NDST2: variants seen among roughly 807,000 people sequenced by gnomAD.
NDST2 encodes the protein bifunctional heparan sulfate N-deacetylase/N-sulfotransferase 2.
A neutral mutation model predicts 86.9 loss-of-function variants in NDST2; 32 were observed. That is an observed-to-expected ratio of 0.37 (90% CI 0.28 to 0.49). NDST2 has a LOEUF of 0.49. Among genes scored for constraint, NDST2 ranks in the 20% least tolerant of loss-of-function variants. The pLI is 0.97. For synonymous variants in NDST2, 409 were observed against 437.0 expected (o/e 0.94, Z 0.80); for missense variants, 950 against 1,146.9 (o/e 0.83, Z 2.48).
chr10:73,803,408 T>C (rs1474383340), intron 11 of NDST2, 49 bp from the exon 12 acceptor site: 3 of 1,607,382 alleles, frequency 1.9e-6, no homozygotes, highest in Admixed American at 3.3e-5. Context: ...TTGACAGTAT[T>C]CTGCCCTTAC....
chr10:73,804,902 A>ATTTTTTT, intron 8 of NDST2, 33 bp from the exon 9 acceptor site: 2 of 983,284 alleles, frequency 2.0e-6, no homozygotes, highest in Non-Finnish European at 1.5e-6. Context: ...GATAAGGCCT[A>ATTTTTTT]TTTTTTTTTT....
chr10:73,811,175 G>T (rs1222965995), intron 1 of NDST2, among the ~76,000 whole-genome samples: 3 of 152,084 alleles, frequency 2.0e-5, no homozygotes, highest in Non-Finnish European at 4.4e-5. Flanking sequence ...TGGATGCGAA[G>T]AGCGCACCGG....
At chr10:73,803,459 C>T in intron 11 of NDST2, 100 bp from the exon 12 acceptor site, 1 of 1,545,624 alleles carries the variant, frequency 6.5e-7, no homozygotes. Context: ...GGTACCCGTC[C>T]CCAAGGCACT....
At chr10:73,804,669 C>A in intron 9 of NDST2, 104 bp downstream of exon 9, 8 of 564,840 alleles carry the variant, frequency 1.4e-5, no homozygotes, top group South Asian at 2.9e-5. Flanking sequence ...ATTAAAAATA[C>A]TTTTTTCACT....
chr10:73,806,469 A>G lies in NDST2; in HGVS notation c.1254T>C (p.His418=). ...CATACCCCAGGTCCGTGGGAATCCC[A>G]TGCTCCTGGGAATGGCATAGACTCT... is the stretch of plus-strand genomic sequence containing the variant. The part of the protein sequence containing the change: ...MRLNKQFALE[H]GIPTDLGYAV... The change falls in exon 6 of 15, where the codon CAT becomes CAC. Residue 418 remains histidine, a synonymous_variant. Coordinates refer to ENST00000309979, the MANE Select transcript of NDST2 (RefSeq NM_003635.4). This position sits in a 1 kb window ranked among gnomAD's most constrained non-coding sequence, Gnocchi z 4.5. The G allele has an allele frequency of 6.3e-7, 1 of 1,587,254 alleles. No homozygotes were observed. Among genetic ancestry groups the G allele is most frequent in the Non-Finnish European group, 8.6e-7 (1 of 1,164,360 alleles).
chr10:73,804,650 A>T, intron 9 of NDST2, 123 bp downstream of exon 9: 1 of 499,648 alleles, frequency 2.0e-6, no homozygotes, highest in Non-Finnish European at 3.4e-6. Context: ...AAAAAAAAAA[A>T]TTATTAAAAT....
At position 73,806,770 on chromosome 10, in the gene NDST2, G is replaced by C; in HGVS notation, c.1135C>G (p.His379Asp). ...EDAGDDMLLK[H>D]RKEFWWFPHM... ...GGGAACCACCAGAACTCTTTGCGGT[G>C]CTTCAGCAGCATGTCGTCCCCTGCA... Residue 379 changes from histidine to aspartate, a missense_variant, in exon 5 of 15, where the codon CAC becomes GAC. This residue lies in a region of NDST2 where 586 missense variants were observed against 714.0 expected (regional missense o/e 0.82). Transcript: ENST00000309979. The surrounding 1 kb of genome is among the most constrained non-coding windows in gnomAD (Gnocchi z 4.5). 1 of 1,614,164 alleles carries C rather than the reference G, an allele frequency of 6.2e-7. No individual in the cohort carries two copies. The highest frequency in any genetic ancestry group is 8.5e-7 in the Non-Finnish European group (1 of 1,180,012).
intron 8 of NDST2, 69 bp from the exon 9 acceptor site, chr10:73,804,938 G>C: frequency 3.3e-6 from 3 of 907,632 alleles, no homozygotes; most frequent in East Asian, 2.8e-5. Flanking sequence ...TTTCGTTCTT[G>C]TTGCCCAGGC....
At chr10:73,807,278 G>C (rs908256731) in intron 3 of NDST2, 83 bp from the exon 4 acceptor site, 2 of 1,539,858 alleles carry the variant, frequency 1.3e-6, no homozygotes, top group African/African-American at 2.7e-5. Flanking sequence ...TTCCTGCCTG[G>C]AAAGGCAGGG....
chr10:73,807,011 C>A, intron 4 of NDST2, 97 bp downstream of exon 4: 3 of 1,454,504 alleles, frequency 2.1e-6, no homozygotes, highest in Non-Finnish European at 2.9e-6. Flanking sequence ...TGACCCCAAA[C>A]CTTGACCCTT....
chr10:73,804,054 G>A, intron 9 of NDST2, 38 bp from the exon 10 acceptor site: 1 of 1,607,856 alleles, frequency 6.2e-7, no homozygotes, highest in Non-Finnish European at 8.5e-7. Flanking sequence ...GGCAGCCATT[G>A]TGGGAGGGAA....
Position 73,806,935 on chromosome 10 carries a change from C to T in NDST2, c.1094-124G>A. ...TAAGACTTTCTATTTGCCCCACTGC[C>T]AACTTGCCATCCAGCCACCCATGCG... On this transcript the variant is annotated intron_variant, in intron 4 of 14. Transcript: ENST00000309979. The surrounding 1 kb of genome is among the most constrained non-coding windows in gnomAD (Gnocchi z 4.5). 1 of 1,523,392 alleles carries T rather than the reference C, an allele frequency of 6.6e-7. No individual in the cohort carries two copies. The highest frequency in any genetic ancestry group is 9.0e-7 in the Non-Finnish European group (1 of 1,115,046). 94.4% of individuals were successfully genotyped at this position (1,523,392 alleles called of 1,614,324 possible).
In NDST2 at chr10:73,808,031, C is replaced by G. The variant is rs752465330; in HGVS notation, c.358G>C (p.Gly120Arg). ...GTCAATGTGGGCATGTCCCCTCGGC[C>G]AGGTGCCAACTCAGTGCTATAACGA... ...RFRYSTELAP[G>R]RGDMPTLTDN... is the part of the protein sequence containing the mutation. Residue 120 changes from glycine (G) to arginine (R), a missense_variant, in exon 3 of 15, where the codon GGC becomes CGC. Transcript: ENST00000309979. This position sits in a 1 kb window ranked among gnomAD's most constrained non-coding sequence, Gnocchi z 4.3. 1 of 1,614,122 alleles carries G rather than the reference C, an allele frequency of 6.2e-7. No homozygotes were observed. The highest frequency in any genetic ancestry group is 1.3e-5 in the African/African-American group (1 of 74,928).
In NDST2 at chr10:73,808,066, G is replaced by C; in HGVS notation, c.323C>G (p.Ser108Cys). Residue 108 changes from serine to cysteine, a missense_variant, in exon 3 of 15, where the codon TCT (serine) becomes TGT (cysteine). Ser to Cys is a moderately radical substitution (Grantham distance 112). Transcript: ENST00000309979. This position sits in a 1 kb window ranked among gnomAD's most constrained non-coding sequence, Gnocchi z 4.3. The stretch of plus-strand genomic sequence containing the variant: ...CTCAGTGCTATAACGAAAACGACTA[G>C]ACTCCAGGATGGCCACAATTTCCTG... Reference protein sequence around the residue: ...LGQEIVAILESSRFRYSTELA... With the variant: ...LGQEIVAILECSRFRYSTELA... 1 of 1,614,242 alleles carries C rather than the reference G, an allele frequency of 6.2e-7. No homozygotes were observed. Among genetic ancestry groups the C allele is most frequent in the Non-Finnish European group, 8.5e-7 (1 of 1,180,046 alleles).
Position 73,805,952 on chromosome 10 carries a change from A to G in NDST2, c.1511T>C (p.Leu504Pro). 1 of 1,614,222 alleles carries G rather than the reference A, an allele frequency of 6.2e-7. No homozygotes were observed. Among genetic ancestry groups the G allele is most frequent in the Non-Finnish European group, 8.5e-7 (1 of 1,180,038 alleles). Reference sequence around the variant, plus strand: ...CTCTCCACCTCGGATGCTCCGGTCTAGTTCACGAGAGCCTCCAGGATACTC... The same window carrying G: ...CTCTCCACCTCGGATGCTCCGGTCTGGTTCACGAGAGCCTCCAGGATACTC... ...YNEYPGGSRE[L>P]DRSIRGGELF... The change falls in exon 7 of 15, where the codon CTA (leucine) becomes CCA (proline). Residue 504 changes from leucine to proline, a missense_variant. Leu to Pro is a moderately conservative substitution (Grantham distance 98). Coordinates refer to ENST00000309979, the MANE Select transcript of NDST2 (RefSeq NM_003635.4).
At chr10:73,810,082 C>T (rs1370217694) in intron 2 of NDST2, among the ~76,000 whole-genome samples, 1 of 152,102 alleles carries the variant, frequency 6.6e-6, no homozygotes, top group Non-Finnish European at 1.5e-5. Flanking sequence ...GCTGGCAATC[C>T]CTCTCTACCA....
At position 73,808,456 on chromosome 10, in the gene NDST2, C is replaced by A; in HGVS notation, c.-68G>T. Reference sequence around the variant, plus strand: ...GGATGGGAGGTAGGAGTTCTATAGGCTAGGACTGTCTTGGAAGGGTAGAAG... The same window carrying A: ...GGATGGGAGGTAGGAGTTCTATAGGATAGGACTGTCTTGGAAGGGTAGAAG... On this transcript the variant is annotated 5_prime_UTR_variant, in exon 3 of 15. Coordinates refer to ENST00000309979, the MANE Select transcript of NDST2 (RefSeq NM_003635.4). The surrounding 1 kb of genome is among the most constrained non-coding windows in gnomAD (Gnocchi z 4.3). 7.0e-7 allele frequency: 1 copy of A among 1,422,818 alleles called. No homozygotes were observed. Among genetic ancestry groups the A allele is most frequent in the East Asian group, 2.5e-5 (1 of 40,408 alleles). 88.1% of individuals were successfully genotyped at this position (1,422,818 alleles called of 1,614,324 possible).
Position 73,806,712 on chromosome 10 carries a change from A to C in NDST2, c.1193T>G (p.Phe398Cys). 3.1e-6 allele frequency: 5 copies of C among 1,614,148 alleles called. No homozygotes were observed. Among genetic ancestry groups the C allele is most frequent in the Non-Finnish European group, 4.2e-6 (5 of 1,180,018 alleles). ...GTCAGCCAGCACGGAGCGATTGTGGAACAGGTGTGGCTGCATGTGGCTCCA... is the reference window on the plus strand; with the variant it reads ...GTCAGCCAGCACGGAGCGATTGTGGCACAGGTGTGGCTGCATGTGGCTCCA... ...HMWSHMQPHL[F>C]HNRSVLADQM... Residue 398 changes from phenylalanine (F) to cysteine (C), a missense_variant, in exon 5 of 15, where the codon TTC (phenylalanine) becomes TGC (cysteine). Around this residue, in one of 5 missense-constraint regions of NDST2, gnomAD observed 586 missense variants for 714.0 expected, o/e 0.82. Coordinates refer to ENST00000309979, the MANE Select transcript of NDST2 (RefSeq NM_003635.4). This position sits in a 1 kb window ranked among gnomAD's most constrained non-coding sequence, Gnocchi z 4.5.
At chr10:73,810,686 C>T (rs1379249894) in intron 2 of NDST2, 113 bp downstream of exon 2, 2 of 394,924 alleles carry the variant, frequency 5.1e-6, no homozygotes, top group Admixed American at 4.4e-5. Context: ...GCCAGCCATT[C>T]TTCTAAGAGC....
Sources: gnomAD v4.1 joint callset for allele counts (sites outside exome capture counted in the v4.1 genomes callset) on GRCh38, gnomAD v4.1.1 for gene constraint, gnomAD v4.1.1 regional missense constraint, Gnocchi (gnomAD v3.1) non-coding constraint, MANE v1.5 for transcripts, NCBI Gene and HGNC (gene_info 2026-07-23, HGNC 2026-07-21) for gene names.